Variants in MGAM observed in about 807,000 individuals in gnomAD.
MGAM encodes alpha-1,4-glucosidase.
MGAM carries 253 observed loss-of-function variants against 358.8 expected under a neutral mutation model. That is an observed-to-expected ratio of 0.71 (90% CI 0.64 to 0.78). The LOEUF (loss-of-function observed/expected upper bound fraction) is 0.78. MGAM is among the 30% of genes least tolerant of loss of function. The pLI is 0.00. For synonymous variants in MGAM, 1,105 were observed against 1,227.1 expected, an observed-to-expected ratio of 0.90 and a Z score of 2.08; for missense variants, 3,080 against 3,432.6, an observed-to-expected ratio of 0.90 and a Z score of 2.57.
At position 142,008,574 on chromosome 7, in the gene MGAM, G is replaced by A. The variant is rs569885905; in HGVS notation, c.196G>A (p.Gly66Ser). 10 of 1,612,980 alleles carry A rather than the reference G, an allele frequency of 6.2e-6. No individual in the cohort carries two copies. In the African/African-American group the frequency reaches 6.7e-5, roughly 11 times the overall value. Residue 66 changes from glycine to serine, a missense_variant, in exon 3 of 71, where the codon GGT (glycine) becomes AGT (serine). Physicochemically the swap from Gly to Ser is moderately conservative, Grantham distance 56. Coordinates refer to ENST00000475668, the MANE Select transcript of MGAM (RefSeq NM_001365693.1). ...TTGTPDPGTT[G>S]TTHARTTGPP... ...TGGTACCCCAGATCCTGGAACAACT[G>A]GTACCACACATGCTAGGACAACGGG...
At chr7:142,095,428 T>A in intron 63 of MGAM, 137 bp from the exon 64 acceptor site, 1 of 1,275,138 alleles carries the variant, frequency 7.8e-7, no homozygotes, top group South Asian at 1.4e-5. Flanking sequence ...CTATTAAGAA[T>A]ATTCTCTGGG....
chr7:142,016,789 C>T (rs1554456348), intron 3 of MGAM, among the ~76,000 whole-genome samples: 23 of 152,100 alleles, frequency 1.5e-4, no homozygotes. Context: ...GACGGGGTTT[C>T]ACCATGTTGG....
At chr7:142,075,539 C>A (rs572925276) in intron 45 of MGAM, among the ~76,000 whole-genome samples, 1 of 146,476 alleles carries the variant, frequency 6.8e-6, no homozygotes, top group Admixed American at 6.9e-5. Context: ...AACCATATAT[C>A]TCAGAAGAGA....
intron 67 of MGAM, 119 bp downstream of exon 67, chr7:142,099,856 T>G: frequency 7.1e-7 from 1 of 1,399,262 alleles, no homozygotes; most frequent in Non-Finnish European, 9.6e-7. Context: ...CAACACTTGT[T>G]TTTTCTTTGT....
intron 18 of MGAM, 39 bp downstream of exon 18, chr7:142,037,016 C>T (rs1554466269): frequency 1.3e-6 from 2 of 1,581,784 alleles, no homozygotes; most frequent in Admixed American, 1.7e-5. Context: ...ATTAATGCAT[C>T]TGGAATGACA....
chr7:142,068,077 C>G (rs1482214978), intron 42 of MGAM, among the ~76,000 whole-genome samples: 1 of 118,654 alleles, frequency 8.4e-6, no homozygotes, highest in South Asian at 2.8e-4. Context: ...ACCTCTGCCT[C>G]CTGGGTTCTA....
intron 10 of MGAM, chr7:142,030,130 T>C: frequency 2.1e-6 from 1 of 472,894 alleles, no homozygotes; most frequent in East Asian, 4.0e-5. Context: ...AAGGATTGGA[T>C]GATGCAGTTA....
intron 40 of MGAM, 142 bp from the exon 41 acceptor site, chr7:142,066,431 A>C: frequency 2.0e-6 from 2 of 1,005,982 alleles, no homozygotes; most frequent in Non-Finnish European, 2.9e-6. Context: ...CCGGTCTATT[A>C]AGAATATTCT....
At chr7:142,001,695 C>T (rs1554450684) in intron 1 of MGAM, among the ~76,000 whole-genome samples, 1 of 152,102 alleles carries the variant, frequency 6.6e-6, no homozygotes, top group East Asian at 1.9e-4. Context: ...TAATGAAGGT[C>T]ATACCAGAGC....
rs187898444 is a variant in MGAM, at chr7:142,050,779, C to T, written c.2720C>T (p.Thr907Met). ...TTTAATGAGATTAAAATTCTTGGGA[C>T]GGAGGAACCTAGCAATGTTACAGTG... Reference protein sequence around the residue: ...LAFNEIKILGTEEPSNVTVKH... With the variant: ...LAFNEIKILGMEEPSNVTVKH... The change falls in exon 24 of 71, where the codon ACG becomes ATG. Residue 907 changes from threonine (T) to methionine (M), a missense_variant. By Grantham distance (81) the Thr-to-Met change is moderately conservative. Coordinates refer to ENST00000475668, the MANE Select transcript of MGAM (RefSeq NM_001365693.1). The T allele has an allele frequency of 0.013, 20,295 of 1,613,600 alleles. 223 individuals carry two copies. The highest frequency in any genetic ancestry group is 0.042 in the Middle Eastern group (256 of 6,050).
intron 42 of MGAM, among the ~76,000 whole-genome samples, chr7:142,068,273 A>C (rs1813021804): frequency 7.0e-6 from 1 of 142,086 alleles, no homozygotes; most frequent in African/African-American, 2.5e-5. Flanking sequence ...CTGGGATTAC[A>C]GGCATGAGCC....
chr7:141,996,891 G>C lies in MGAM; in HGVS notation c.-3+961G>C, dbSNP rs115271839. On this transcript the variant is annotated intron_variant, in intron 1 of 70. Coordinates refer to ENST00000475668, the MANE Select transcript of MGAM (RefSeq NM_001365693.1). ...AGAGAAAGGTAGGGTATCTGTCCTG[G>C]CAGTCATGTGTGGAGTAGAATGGGA... is the stretch of plus-strand genomic sequence containing the variant. Among the ~76,000 whole-genome samples the C allele has an allele frequency of 4.0e-3, 608 of 152,228 alleles. 5 individuals carry two copies. The highest frequency in any genetic ancestry group is 0.014 in the African/African-American group (589 of 41,546).
chr7:142,050,821 C>T lies in MGAM; in HGVS notation c.2762C>T (p.Pro921Leu). ...GTTACAGTGAAACACAATGGTGTCC[C>T]AAGTCAGACTTCTCCTACAGTCACT... ...SNVTVKHNGV[P>L]SQTSPTVTYD... The change falls in exon 24 of 71, where the codon CCA (proline) becomes CTA (leucine). Residue 921 changes from proline (P) to leucine (L), a missense_variant. Physicochemically the swap from Pro to Leu is moderately conservative, Grantham distance 98. This residue lies in a region of MGAM where 1,816 missense variants were observed against 1,840.5 expected (regional missense o/e 0.99). Transcript: ENST00000475668. 1.2e-6 allele frequency: 2 copies of T among 1,613,720 alleles called. No homozygotes were observed. The highest frequency in any genetic ancestry group is 8.5e-7 in the Non-Finnish European group (1 of 1,179,712).
At chr7:142,039,235 A>C (rs192180890) in intron 19 of MGAM, among the ~76,000 whole-genome samples, 2 of 151,194 alleles carry the variant, frequency 1.3e-5, no homozygotes, top group Admixed American at 6.6e-5. Context: ...CCTCCTGAGT[A>C]GCTGGGGTTA....
Position 142,025,043 on chromosome 7 carries a change from T to G in MGAM, c.883-7T>G, listed in dbSNP as rs1296031069. Reference sequence around the variant, plus strand: ...GTAAATTTTGGTTTTTAATTCTCTTTCTGCAGAACGGAACTAATTTGTATG... The same window carrying G: ...GTAAATTTTGGTTTTTAATTCTCTTGCTGCAGAACGGAACTAATTTGTATG... On this transcript the variant is annotated splice_region_variant and splice_polypyrimidine_tract_variant and intron_variant, in intron 7 of 70. Transcript: ENST00000475668. 6.2e-7 allele frequency: 1 copy of G among 1,610,758 alleles called. No individual in the cohort carries two copies. The highest frequency in any genetic ancestry group is 1.3e-5 in the African/African-American group (1 of 74,830).
chr7:142,096,101 T>A (rs1815880088), intron 64 of MGAM: 1 of 610,662 alleles, frequency 1.6e-6, no homozygotes, highest in South Asian at 2.1e-5. Context: ...ATGGGGCAAG[T>A]ATTTTACAAG....
intron 26 of MGAM, among the ~76,000 whole-genome samples, chr7:142,053,580 T>C (rs1811222746): frequency 6.6e-6 from 1 of 152,168 alleles, no homozygotes; most frequent in African/African-American, 2.4e-5. Context: ...TTTAATTGCA[T>C]TTAAGGACTA....
In MGAM at chr7:142,082,802, A is replaced by G. The variant is rs1259551767; in HGVS notation, c.6268+231A>G. Among the ~76,000 whole-genome samples the G allele has an allele frequency of 2.7e-5, 4 of 146,496 alleles. 1 individual carries two copies. In the South Asian group the frequency reaches 8.8e-4, roughly 32 times the overall value. ...TAAAAATCACATAAGAAGGGATAGT[A>G]AAACCACATGGGTCCCAAATGTCTT... is the stretch of plus-strand genomic sequence containing the variant. On this transcript the variant is annotated intron_variant, in intron 52 of 70. Transcript: ENST00000475668.
At position 142,056,051 on chromosome 7, in the gene MGAM, G is replaced by C; in HGVS notation, c.3535G>C (p.Asp1179His). Residue 1179 changes from aspartate to histidine, a missense_variant, in exon 29 of 71, where the codon GAC (aspartate) becomes CAC (histidine). This residue lies in a region of MGAM where 1,816 missense variants were observed against 1,840.5 expected (regional missense o/e 0.99). Transcript: ENST00000475668. Reference protein sequence around the residue: ...VHPYYMGLEEDGSAHGVLLLN... With the variant: ...VHPYYMGLEEHGSAHGVLLLN... Reference sequence around the variant, plus strand: ...CCCCTACTACATGGGGCTGGAGGAGGACGGCAGTGCCCATGGAGTGCTCCT... The same window carrying C: ...CCCCTACTACATGGGGCTGGAGGAGCACGGCAGTGCCCATGGAGTGCTCCT... 1 of 1,611,664 alleles carries C rather than the reference G, an allele frequency of 6.2e-7. No individual in the cohort carries two copies. Among genetic ancestry groups the C allele is most frequent in the East Asian group, 2.2e-5 (1 of 44,802 alleles).
Sources: allele counts gnomAD v4.1 joint callset (sites outside exome capture counted in the v4.1 genomes callset), GRCh38; gene constraint gnomAD v4.1.1; regional missense constraint gnomAD v4.1.1; transcripts MANE v1.5; gene names NCBI Gene and HGNC (gene_info 2026-07-23, HGNC 2026-07-21).